The following BACH2 variants were observed in gnomAD, a reference collection of about 807,000 sequenced individuals.
The protein encoded by BACH2 is transcription regulator protein BACH2.
Under a neutral mutation model 61.8 loss-of-function variants are expected in BACH2, and 5 were observed. The observed-to-expected ratio is 0.08, with a 90% CI of 0.04 to 0.17. The LOEUF is 0.17. BACH2 is among the 10% of genes least tolerant of loss of function. BACH2 has a pLI of 1.00. For synonymous variants in BACH2, 446 were observed against 440.1 expected, an observed-to-expected ratio of 1.01 and a Z score of -0.17; for missense variants, 824 against 1,091.1, an observed-to-expected ratio of 0.76 and a Z score of 3.45.
At chr6:89,990,622 C>T (rs149442955) in intron 6 of BACH2, among the ~76,000 whole-genome samples, 80 of 152,140 alleles carry the variant, frequency 5.3e-4, no homozygotes, top group African/African-American at 1.8e-3. Context: ...CTCTCTCCTC[C>T]CAATACCCAC....
chr6:90,141,648 T>TA (rs1223833268), intron 4 of BACH2, among the ~76,000 whole-genome samples: 1 of 152,160 alleles, frequency 6.6e-6, no homozygotes, highest in Non-Finnish European at 1.5e-5. Flanking sequence ...CTTGAGTATA[T>TA]AAACTCTGAG....
At chr6:90,086,686 C>G (rs1482590232) in intron 5 of BACH2, among the ~76,000 whole-genome samples, 5 of 152,128 alleles carry the variant, frequency 3.3e-5, no homozygotes, top group Non-Finnish European at 5.9e-5. Flanking sequence ...TCCTTCCTGA[C>G]CTGTAGACAG....
At chr6:89,988,623 T>G (rs907208333) in intron 6 of BACH2, among the ~76,000 whole-genome samples, 17 of 151,566 alleles carry the variant, frequency 1.1e-4, no homozygotes, top group African/African-American at 3.2e-4. Flanking sequence ...AGTAGAAGAG[T>G]TGGAGGACGC....
At chr6:90,184,181 A>T (rs12528427) in intron 4 of BACH2, among the ~76,000 whole-genome samples, 11,955 of 152,248 alleles carry the variant, frequency 0.079, 568 homozygotes, top group South Asian at 0.14. Flanking sequence ...GATATCATTT[A>T]AAAAAGTGCC....
chr6:90,198,114 T>C (rs2875581), intron 4 of BACH2, among the ~76,000 whole-genome samples: 25 of 147,324 alleles, frequency 1.7e-4, no homozygotes, highest in Non-Finnish European at 2.9e-4. Context: ...AAGTAACCAC[T>C]CATGTGTGCT....
At chr6:90,148,684 T>C (rs747842004) in intron 4 of BACH2, among the ~76,000 whole-genome samples, 26 of 151,354 alleles carry the variant, frequency 1.7e-4, no homozygotes, top group Non-Finnish European at 3.1e-4. Flanking sequence ...TAAGTGTCTG[T>C]TTTACACACA....
chr6:90,027,931 T>C (rs1048913027), intron 5 of BACH2, among the ~76,000 whole-genome samples: 1 of 152,224 alleles, frequency 6.6e-6, no homozygotes, highest in African/African-American at 2.4e-5. Context: ...AAATTTCTTA[T>C]ATTGAGGCAA....
rs116104088 is a variant in BACH2 at position 90,290,143 on chromosome 6, G to T, written c.-446+6337C>A. On this transcript the variant is annotated intron_variant, in intron 1 of 8. Coordinates refer to ENST00000257749, the MANE Select transcript of BACH2 (RefSeq NM_021813.4). The stretch of plus-strand genomic sequence containing the variant: ...ACTCCAAAGGGCCAAAGATAGTAGT[G>T]AATTAATAGGATTAGGAAGCTGGAG... Among the ~76,000 whole-genome samples the T allele has an allele frequency of 2.5e-3, 378 of 152,306 alleles. 4 individuals are homozygous for T. The highest frequency in any genetic ancestry group is 8.6e-3 in the African/African-American group (358 of 41,556).
chr6:90,267,100 A>G (rs1044378333), intron 2 of BACH2, among the ~76,000 whole-genome samples: 3 of 152,102 alleles, frequency 2.0e-5, no homozygotes, highest in Non-Finnish European at 4.4e-5. Context: ...AATCAGAACT[A>G]AGACATCTCC....
intron 4 of BACH2, among the ~76,000 whole-genome samples, chr6:90,092,050 A>G (rs1322871499): frequency 1.3e-5 from 2 of 152,014 alleles, no homozygotes; most frequent in Non-Finnish European, 2.9e-5. Context: ...CTCAAAGAGT[A>G]TACTTTGTTT....
intron 6 of BACH2, among the ~76,000 whole-genome samples, chr6:89,984,782 AT>A (rs1776147330): frequency 6.6e-6 from 1 of 152,174 alleles, no homozygotes; most frequent in African/African-American, 2.4e-5. Flanking sequence ...ATTGCAACTC[AT>A]TTTCTTCTTT....
chr6:90,219,785 TACAC>T (rs5878121), intron 3 of BACH2, among the ~76,000 whole-genome samples: 23,104 of 148,422 alleles, frequency 0.16, 2,147 homozygotes, highest in East Asian at 0.36. Flanking sequence ...TTAAAACACA[TACAC>T]ACACACACAC....
At chr6:90,007,650 G>A (rs1582183790) in intron 6 of BACH2, among the ~76,000 whole-genome samples, 1 of 152,146 alleles carries the variant, frequency 6.6e-6, no homozygotes, top group African/African-American at 2.4e-5. Flanking sequence ...TCTGGGTGAT[G>A]GGGTCTTTGG....
chr6:89,958,499 C>G (rs1291782589), intron 6 of BACH2, among the ~76,000 whole-genome samples: 2 of 152,204 alleles, frequency 1.3e-5, no homozygotes, highest in Non-Finnish European at 1.5e-5. Flanking sequence ...TATAGTAAAA[C>G]CTTTGGAACA....
chr6:90,255,451 G>T lies in BACH2; in HGVS notation c.-352-2861C>A, dbSNP rs976808752. 4.6e-5 allele frequency among the ~76,000 whole-genome samples: 7 copies of T among 152,294 alleles called. No homozygotes were observed. The South Asian group carries it at 6.2e-4, about 14-fold the overall frequency. On this transcript the variant is annotated intron_variant, in intron 2 of 8. Transcript: ENST00000257749. The stretch of plus-strand genomic sequence containing the variant: ...CTGAGTGGTGAAACTGAGACCCAAA[G>T]AGTGTCAGGAAGACAGGAGGCACTC...
At chr6:90,225,563 A>G (rs1226897085) in intron 3 of BACH2, among the ~76,000 whole-genome samples, 1 of 152,110 alleles carries the variant, frequency 6.6e-6, no homozygotes, top group African/African-American at 2.4e-5. Context: ...GAGCTGAACA[A>G]TGAGAACGCA....
intron 4 of BACH2, among the ~76,000 whole-genome samples, chr6:90,112,885 C>A (rs903348556): frequency 2.0e-5 from 3 of 151,968 alleles, no homozygotes; most frequent in Admixed American, 6.6e-5. Flanking sequence ...CACTCATAGG[C>A]TCAAAATAAA....
intron 6 of BACH2, among the ~76,000 whole-genome samples, chr6:89,969,050 CTT>C (rs76254643): frequency 2.2e-4 from 25 of 113,946 alleles, no homozygotes; most frequent in Admixed American, 3.8e-4. Flanking sequence ...AAAATGTAGT[CTT>C]TTTTTTTTTT....
intron 6 of BACH2, among the ~76,000 whole-genome samples, chr6:89,968,548 T>C (rs1016795864): frequency 2.0e-5 from 3 of 152,232 alleles, no homozygotes; most frequent in Non-Finnish European, 4.4e-5. Context: ...AAAAGTTAAA[T>C]TGATAAAACA....
Sources: allele counts gnomAD v4.1 joint callset (sites outside exome capture counted in the v4.1 genomes callset), GRCh38; gene constraint gnomAD v4.1.1; transcripts MANE v1.5; gene names NCBI Gene and HGNC (gene_info 2026-07-23, HGNC 2026-07-21).